The following ANKS1B variants were observed in gnomAD, a reference collection of about 807,000 sequenced individuals.
ANKS1B encodes the protein ankyrin repeat and sterile alpha motif domain-containing protein 1B.
A neutral mutation model predicts 148.3 loss-of-function variants in ANKS1B; 36 were observed. That is an observed-to-expected ratio of 0.24 (90% confidence interval 0.19 to 0.32). The LOEUF (loss-of-function observed/expected upper bound fraction) is 0.32, where lower values mean the gene tolerates loss of function less well. Ranked by LOEUF, ANKS1B falls within the 10% of genes least tolerant of loss-of-function variation. The pLI is 1.00. For synonymous variants in ANKS1B, 542 were observed against 560.8 expected (o/e 0.97, Z 0.47); for missense variants, 1,157 against 1,542.6 (o/e 0.75, Z 4.19).
At chr12:99,760,572 T>C (rs7967388) in intron 8 of ANKS1B, among the ~76,000 whole-genome samples, 67,448 of 151,586 alleles carry the variant, frequency 0.44, 15,385 homozygotes, top group South Asian at 0.61. Flanking sequence ...AAGTCTATAG[T>C]GCTAAATGCC....
intron 17 of ANKS1B, among the ~76,000 whole-genome samples, chr12:98,838,594 A>C (rs2099388450): frequency 6.6e-6 from 1 of 152,192 alleles, no homozygotes. Context: ...AGGCGACTGC[A>C]TCCTTTTTAT....
intron 17 of ANKS1B, among the ~76,000 whole-genome samples, chr12:98,921,322 T>C (rs1355818474): frequency 6.6e-6 from 1 of 152,202 alleles, no homozygotes; most frequent in East Asian, 1.9e-4. Flanking sequence ...CATAGCCTAA[T>C]AGAATCTGAG....
intron 12 of ANKS1B, among the ~76,000 whole-genome samples, chr12:99,358,694 C>T (rs2092237806): frequency 6.6e-6 from 1 of 151,890 alleles, no homozygotes; most frequent in African/African-American, 2.4e-5. Flanking sequence ...CATACACACA[C>T]ACACACACAC....
At chr12:98,865,532 A>AG (rs35063363) in intron 17 of ANKS1B, among the ~76,000 whole-genome samples, 4 of 152,210 alleles carry the variant, frequency 2.6e-5, no homozygotes, top group Non-Finnish European at 5.9e-5. Context: ...ATATTCTAGC[A>AG]GGGGAGAAGG....
chr12:99,583,482 C>A (rs901689946), intron 9 of ANKS1B, among the ~76,000 whole-genome samples: 8 of 152,090 alleles, frequency 5.3e-5, no homozygotes, highest in Non-Finnish European at 1.0e-4. Context: ...CCACATTATA[C>A]CTATTTTTCT....
chr12:99,608,449 A>G (rs2097868513), intron 9 of ANKS1B, among the ~76,000 whole-genome samples: 1 of 152,094 alleles, frequency 6.6e-6, no homozygotes, highest in African/African-American at 2.4e-5. Flanking sequence ...AATTTGGAAA[A>G]CTGGAGTTCA....
At chr12:98,804,302 C>T (rs1012568152) in intron 20 of ANKS1B, among the ~76,000 whole-genome samples, 2 of 152,124 alleles carry the variant, frequency 1.3e-5, no homozygotes, top group African/African-American at 4.8e-5. Flanking sequence ...AGATTTAGTG[C>T]TATTTCCAGA....
At chr12:98,894,286 A>T (rs2099758850) in intron 17 of ANKS1B, among the ~76,000 whole-genome samples, 1 of 151,392 alleles carries the variant, frequency 6.6e-6, no homozygotes, top group Non-Finnish European at 1.5e-5. Flanking sequence ...GAAAATATAC[A>T]CTGTTAAAGT....
At chr12:99,481,232 T>G (rs925000892) in intron 10 of ANKS1B, among the ~76,000 whole-genome samples, 1 of 151,792 alleles carries the variant, frequency 6.6e-6, no homozygotes, top group African/African-American at 2.4e-5. Context: ...ATGATGCCTT[T>G]GCTGACACAT....
chr12:98,969,607 T>C (rs987442574), intron 17 of ANKS1B, among the ~76,000 whole-genome samples: 4 of 152,240 alleles, frequency 2.6e-5, no homozygotes, highest in African/African-American at 9.6e-5. Context: ...AAGTTCTTTT[T>C]ATCAGAAAAC....
chr12:99,770,458 G>T (rs890041864), intron 8 of ANKS1B, among the ~76,000 whole-genome samples: 8 of 151,996 alleles, frequency 5.3e-5, no homozygotes, highest in African/African-American at 1.4e-4. Flanking sequence ...GAGTATAATT[G>T]AAGCAATATT....
intron 22 of ANKS1B, among the ~76,000 whole-genome samples, chr12:98,788,662 C>T (rs764474098): frequency 8.5e-5 from 13 of 152,220 alleles, no homozygotes; most frequent in Non-Finnish European, 1.5e-4. Flanking sequence ...TCTGGCACAG[C>T]ACAAAGCGGT....
intron 15 of ANKS1B, among the ~76,000 whole-genome samples, chr12:99,133,718 A>G (rs769843865): frequency 3.3e-5 from 5 of 152,204 alleles, no homozygotes; most frequent in East Asian, 1.9e-4. Flanking sequence ...AGATGCCCAT[A>G]AGCCTATTTA....
chr12:98,933,103 A>G (rs558851760), intron 17 of ANKS1B, among the ~76,000 whole-genome samples: 1 of 152,216 alleles, frequency 6.6e-6, no homozygotes, highest in South Asian at 2.1e-4. Context: ...CTGAAACTTT[A>G]TGGCTGTTGA....
intron 1 of ANKS1B, among the ~76,000 whole-genome samples, chr12:99,926,882 T>C (rs1218570278): frequency 1.3e-5 from 2 of 152,194 alleles, no homozygotes; most frequent in Non-Finnish European, 2.9e-5. Flanking sequence ...CATTCCCCCA[T>C]GCTACTACCT....
At chr12:99,320,614 T>C (rs2085072171) in intron 12 of ANKS1B, among the ~76,000 whole-genome samples, 1 of 152,172 alleles carries the variant, frequency 6.6e-6, no homozygotes, top group Non-Finnish European at 1.5e-5. Flanking sequence ...TCAAGGTTTT[T>C]AGCTTCTTTG....
chr12:99,700,096 GACA>G (rs1399787128), intron 8 of ANKS1B, among the ~76,000 whole-genome samples: 12 of 152,068 alleles, frequency 7.9e-5, no homozygotes, highest in African/African-American at 1.9e-4. Context: ...TTGCACAGAA[GACA>G]ACTTTTAAAA....
At chr12:99,837,923 G>A (rs931739080) in intron 1 of ANKS1B, among the ~76,000 whole-genome samples, 2 of 151,756 alleles carry the variant, frequency 1.3e-5, no homozygotes, top group African/African-American at 2.4e-5. Flanking sequence ...ATCCCTCACC[G>A]CCCAACCCCA....
chr12:99,608,492 C>T (rs1487740219), intron 9 of ANKS1B, among the ~76,000 whole-genome samples: 1 of 152,098 alleles, frequency 6.6e-6, no homozygotes, highest in African/African-American at 2.4e-5. Context: ...TTACAAACCA[C>T]TTACAGCAAC....
Sources: allele counts gnomAD v4.1 joint callset (sites outside exome capture counted in the v4.1 genomes callset), GRCh38; gene constraint gnomAD v4.1.1; transcripts MANE v1.5; gene names NCBI Gene and HGNC (gene_info 2026-07-23, HGNC 2026-07-21).